ZNF208: variants seen among roughly 807,000 people sequenced by gnomAD.
The protein encoded by ZNF208 is zinc finger protein 95.
Under a neutral mutation model 12.1 loss-of-function variants are expected in ZNF208, and 10 were observed. That is an observed-to-expected ratio of 0.83 (90% CI 0.51 to 1.40). ZNF208 has a LOEUF of 1.40. Among genes scored for constraint, ZNF208 ranks in the 40% most tolerant of loss-of-function variants. ZNF208 has a pLI of 0.00. For synonymous variants in ZNF208, 497 were observed against 488.4 expected (o/e 1.02, Z -0.23); for missense variants, 1,652 against 1,485.0 (o/e 1.11, Z -1.85).
chr19:21,966,019 C>A (rs931969694), downstream of ZNF208: 1 of 151,950 alleles, frequency 6.6e-6, no homozygotes, highest in Non-Finnish European at 1.5e-5. Flanking sequence ...CACCACCATG[C>A]CTTAAGGGGT....
At chr19:22,010,748 C>G (rs374825376) in intron 1 of ZNF208, 44 bp downstream of exon 1, 11 of 1,614,060 alleles carry the variant, frequency 6.8e-6, no homozygotes, top group Non-Finnish European at 9.3e-6. Flanking sequence ...CGGTTCCAAG[C>G]AGCCCGGGCC....
At chr19:21,988,322 G>C (rs1240624854) in intron 2 of ZNF208, among the ~76,000 whole-genome samples, 1 of 152,268 alleles carries the variant, frequency 6.6e-6, no homozygotes, top group East Asian at 1.9e-4. Flanking sequence ...CTGAAAGCCT[G>C]AGGGTCATGA....
At chr19:22,010,011 C>T (rs1243768696) in intron 1 of ZNF208, among the ~76,000 whole-genome samples, 1 of 152,070 alleles carries the variant, frequency 6.6e-6, no homozygotes, top group Admixed American at 6.6e-5. Flanking sequence ...TGGTGAAACC[C>T]TTTCTCAACT....
chr19:21,977,334 G>A (rs1278875828), intron 3 of ZNF208, among the ~76,000 whole-genome samples: 1 of 150,884 alleles, frequency 6.6e-6, no homozygotes, highest in Non-Finnish European at 1.5e-5. Flanking sequence ...CAGCGCGATC[G>A]ACACAGAAGG....
At chr19:21,988,707 G>C in intron 2 of ZNF208, 76 bp downstream of exon 2, 1 of 1,609,642 alleles carries the variant, frequency 6.2e-7, no homozygotes, top group South Asian at 1.1e-5. Context: ...ATCCTCCGTT[G>C]TTCAGTCCAA....
At position 21,979,283 on chromosome 19, in the gene ZNF208, C is replaced by T. The variant is rs193235071; in HGVS notation, c.227-4476G>A. The stretch of plus-strand genomic sequence containing the variant: ...CCCCAAGACACAGAATCGTCAGATT[C>T]ACCAAGGTTGAAATGAAGAAAAAAT... On this transcript the variant is annotated intron_variant, in intron 3 of 3. Coordinates refer to ENST00000397126, the MANE Select transcript of ZNF208 (RefSeq NM_007153.3). Among the ~76,000 whole-genome samples the T allele has an allele frequency of 1.2e-4, 18 of 152,270 alleles. No individual in the cohort carries two copies. The East Asian group carries it at 3.5e-3, about 29-fold the overall frequency.
chr19:21,941,775 TTTGA>T (rs1382019241), intron 4 of ZNF208, among the ~76,000 whole-genome samples: 1 of 152,204 alleles, frequency 6.6e-6, no homozygotes, highest in Non-Finnish European at 1.5e-5. Context: ...AAGTTCAAAG[TTTGA>T]TTATTTATCC....
At chr19:21,975,872 C>CT (rs1970421976) in intron 3 of ZNF208, among the ~76,000 whole-genome samples, 1 of 114,804 alleles carries the variant, frequency 8.7e-6, no homozygotes, top group Non-Finnish European at 1.8e-5. Flanking sequence ...GAGAATAATA[C>CT]CATCAGCAAC....
At chr19:21,946,518 C>T (rs1172285837) in intron 4 of ZNF208, among the ~76,000 whole-genome samples, 1 of 152,176 alleles carries the variant, frequency 6.6e-6, no homozygotes, top group East Asian at 1.9e-4. Flanking sequence ...TGTTCCAAAC[C>T]TCACCCTTGT....
At chr19:21,977,768 G>A (rs1970461085) in intron 3 of ZNF208, among the ~76,000 whole-genome samples, 2 of 152,178 alleles carry the variant, frequency 1.3e-5, no homozygotes, top group African/African-American at 4.8e-5. Context: ...CTGAAGCCAG[G>A]GAGCAAAGTG....
intron 3 of ZNF208, among the ~76,000 whole-genome samples, chr19:21,984,881 A>G (rs1371614798): frequency 6.6e-6 from 1 of 152,196 alleles, no homozygotes; most frequent in East Asian, 1.9e-4. Context: ...ATCTGGTATA[A>G]GGATGAAAAA....
Position 21,950,003 on chromosome 19 carries a change from C to T in ZNF208, c.306-16766G>A, listed in dbSNP as rs1486033217. 1.4e-4 allele frequency among the ~76,000 whole-genome samples: 22 copies of T among 152,196 alleles called. 1 individual carries two copies. Among genetic ancestry groups the T allele is most frequent in the Middle Eastern group, 3.4e-3 (1 of 294 alleles). On this transcript the variant is annotated intron_variant, in intron 4 of 4. Transcript: ENST00000599916. ...CTTGCCTGAACTCAGCCACTTTCTC[C>T]CAGAGGAAACTAAAGAGCCTAAACA...
At chr19:21,949,766 G>C (rs974305133) in intron 4 of ZNF208, among the ~76,000 whole-genome samples, 2 of 152,186 alleles carry the variant, frequency 1.3e-5, no homozygotes, top group African/African-American at 2.4e-5. Context: ...CAAGAAACTT[G>C]ACTTGATGGC....
chr19:21,960,483 AG>A (rs1341873945), intron 4 of ZNF208, among the ~76,000 whole-genome samples: 1 of 152,224 alleles, frequency 6.6e-6, no homozygotes, highest in East Asian at 1.9e-4. Context: ...AATTTTAAAA[AG>A]TGGTATATTT....
chr19:21,977,826 C>A (rs1490156950), intron 3 of ZNF208, among the ~76,000 whole-genome samples: 1 of 152,198 alleles, frequency 6.6e-6, no homozygotes, highest in Non-Finnish European at 1.5e-5. Flanking sequence ...CGGCTAAGAT[C>A]CACTGGCTTG....
chr19:21,991,164 G>A (rs1337836464), intron 1 of ZNF208, among the ~76,000 whole-genome samples: 1 of 152,134 alleles, frequency 6.6e-6, no homozygotes, highest in Admixed American at 6.5e-5. Context: ...TGGTGAGAGA[G>A]GGCATCCCTG....
At chr19:21,963,577 C>T (rs999981368), downstream of ZNF208, among the ~76,000 whole-genome samples, 1 of 152,004 alleles carries the variant, frequency 6.6e-6, no homozygotes, top group Non-Finnish European at 1.5e-5. Flanking sequence ...CACATCAATG[C>T]TTTTCACATG....
chr19:21,980,640 C>T (rs1970521273), intron 3 of ZNF208, among the ~76,000 whole-genome samples: 1 of 152,090 alleles, frequency 6.6e-6, no homozygotes, highest in South Asian at 2.1e-4. Context: ...GACACCCTAA[C>T]ATCACAATGA....
In ZNF208 at chr19:21,966,313, T is replaced by C. The variant is rs1416162089; in HGVS notation, c.*4878A>G. The C allele has an allele frequency of 1.3e-5, 2 of 152,120 alleles. No homozygotes were observed. The highest frequency in any genetic ancestry group is 3.9e-4 in the East Asian group (2 of 5,190). The allele number at this position is 152,120 out of a possible 1,614,324, so 9.4% of individuals were successfully genotyped here. On this transcript the variant is annotated 3_prime_UTR_variant, in exon 4 of 4. Coordinates refer to ENST00000397126, the MANE Select transcript of ZNF208 (RefSeq NM_007153.3). ...TTTATTGTTTTCATCTTTGTTTCCA[T>C]GTGCGCCCAATTTTTAGCATCCATG...
Sources: gnomAD v4.1 joint callset for allele counts (sites outside exome capture counted in the v4.1 genomes callset) on GRCh38, gnomAD v4.1.1 for gene constraint, MANE v1.5 for transcripts, NCBI Gene and HGNC (gene_info 2026-07-23, HGNC 2026-07-21) for gene names.